The following TMTC2 variants were observed in gnomAD, a reference collection of about 807,000 sequenced individuals.
The protein encoded by TMTC2 is protein O-mannosyl-transferase TMTC2.
TMTC2 carries 43 observed loss-of-function variants against 82.4 expected under a neutral mutation model. The observed-to-expected ratio is 0.52, with a 90% CI of 0.41 to 0.67. The LOEUF (loss-of-function observed/expected upper bound fraction) is 0.67. TMTC2 is among the 30% of genes least tolerant of loss of function. The pLI is 0.00. For missense variants in TMTC2, 919 were observed against 1,012.4 expected, an observed-to-expected ratio of 0.91 and a Z score of 1.25; for synonymous variants, 408 against 381.9, an observed-to-expected ratio of 1.07 and a Z score of -0.80.
chr12:82,889,930 C>G (rs1289259749), intron 2 of TMTC2, among the ~76,000 whole-genome samples: 1 of 151,000 alleles, frequency 6.6e-6, no homozygotes, highest in Non-Finnish European at 1.5e-5. Flanking sequence ...GCTAAGTATC[C>G]TTGTATTTAG....
At chr12:82,754,988 A>C (rs1190169742) in intron 1 of TMTC2, among the ~76,000 whole-genome samples, 1 of 152,258 alleles carries the variant, frequency 6.6e-6, no homozygotes, top group Admixed American at 6.5e-5. Context: ...TCCAAGTGCT[A>C]TCTGAGCAGC....
chr12:82,741,205 A>G (rs2136953361), intron 1 of TMTC2, among the ~76,000 whole-genome samples: 1 of 152,184 alleles, frequency 6.6e-6, no homozygotes, highest in South Asian at 2.1e-4. Flanking sequence ...GTTTATTTGT[A>G]TTTCATCCCA....
chr12:83,028,256 ATAGT>A (rs1308243093), intron 8 of TMTC2, among the ~76,000 whole-genome samples: 15 of 152,200 alleles, frequency 9.9e-5, no homozygotes, highest in African/African-American at 3.6e-4. Flanking sequence ...AGGTAGTATA[ATAGT>A]TAATTTACAT....
rs539008204 is a variant in TMTC2 at position 82,893,332 on chromosome 12, C to T, written c.655-2486C>T. Among the ~76,000 whole-genome samples the T allele has an allele frequency of 2.0e-5, 3 of 147,636 alleles. No individual in the cohort carries two copies. In the Admixed American group the frequency reaches 2.1e-4, roughly 10 times the overall value. On this transcript the variant is annotated intron_variant, in intron 2 of 11. Transcript: ENST00000321196. ...GTTACAGTGAGCTGAGATCATGCCA[C>T]TGCACTTCAGCCTGGCGACAGAGCA...
At chr12:82,847,393 C>A (rs745381799) in intron 1 of TMTC2, among the ~76,000 whole-genome samples, 1 of 152,084 alleles carries the variant, frequency 6.6e-6, no homozygotes, top group Non-Finnish European at 1.5e-5. Flanking sequence ...TTATCAGTAC[C>A]AATCATCTCT....
intron 4 of TMTC2, among the ~76,000 whole-genome samples, chr12:82,947,694 T>C (rs1157575620): frequency 2.0e-5 from 3 of 152,214 alleles, no homozygotes; most frequent in African/African-American, 7.2e-5. Flanking sequence ...AGTTGGCCAT[T>C]TCTTACGCCC....
At chr12:82,768,980 C>G (rs1408120745) in intron 1 of TMTC2, among the ~76,000 whole-genome samples, 1 of 151,898 alleles carries the variant, frequency 6.6e-6, no homozygotes, top group East Asian at 1.9e-4. Flanking sequence ...GAGAGCCTGT[C>G]TAGCTGCTAT....
rs575555652 is a variant in TMTC2, at chr12:82,802,101, G to A, written c.84-54909G>A. 5.9e-5 allele frequency among the ~76,000 whole-genome samples: 9 copies of A among 152,094 alleles called. 1 individual carries two copies. The highest frequency in any genetic ancestry group is 5.2e-4 in the Admixed American group (8 of 15,274). On this transcript the variant is annotated intron_variant, in intron 1 of 11. Coordinates refer to ENST00000321196, the MANE Select transcript of TMTC2 (RefSeq NM_152588.3). ...CCATGGAGCAGGGGGTGGCGTTCGT[G>A]GGGGAGGCTCTGGCAGGGGGAAGGC...
At chr12:83,049,042 A>T (rs1882248268) in intron 9 of TMTC2, among the ~76,000 whole-genome samples, 1 of 152,224 alleles carries the variant, frequency 6.6e-6, no homozygotes, top group Admixed American at 6.5e-5. Flanking sequence ...TTGCGTTGGA[A>T]GACAATTTGT....
intron 1 of TMTC2, among the ~76,000 whole-genome samples, chr12:82,790,158 G>T (rs1394804261): frequency 6.7e-6 from 1 of 150,054 alleles, no homozygotes; most frequent in East Asian, 2.0e-4. Context: ...CTCTAGCTTG[G>T]GTGAGACCTT....
chr12:82,728,924 G>C (rs1053812399), intron 1 of TMTC2, among the ~76,000 whole-genome samples: 3 of 152,230 alleles, frequency 2.0e-5, no homozygotes, highest in Admixed American at 6.5e-5. Context: ...CAGCAGCTGC[G>C]CTGGACTTCT....
chr12:82,805,891 C>T (rs1879220858), intron 1 of TMTC2, among the ~76,000 whole-genome samples: 1 of 152,092 alleles, frequency 6.6e-6, no homozygotes, highest in South Asian at 2.1e-4. Context: ...TTAATTAACT[C>T]ACCAAGTCTT....
chr12:83,077,383 A>T (rs952945621), intron 11 of TMTC2, among the ~76,000 whole-genome samples: 2 of 152,194 alleles, frequency 1.3e-5, no homozygotes, highest in South Asian at 4.1e-4. Flanking sequence ...CACTTAGCTC[A>T]TATCCCTTTG....
At chr12:82,940,547 G>T (rs1376061809) in intron 4 of TMTC2, among the ~76,000 whole-genome samples, 10 of 149,344 alleles carry the variant, frequency 6.7e-5, no homozygotes, top group African/African-American at 2.2e-4. Context: ...TGTTGTTTCT[G>T]TATCATAAAT....
intron 3 of TMTC2, among the ~76,000 whole-genome samples, chr12:82,921,788 A>G (rs1875408164): frequency 6.6e-6 from 1 of 151,906 alleles, no homozygotes; most frequent in Non-Finnish European, 1.5e-5. Context: ...TCATCTATAG[A>G]CATACTCTGT....
chr12:82,919,567 A>G (rs1280084471), intron 3 of TMTC2, among the ~76,000 whole-genome samples: 3 of 152,206 alleles, frequency 2.0e-5, no homozygotes, highest in Non-Finnish European at 4.4e-5. Context: ...CATGATCTGT[A>G]TAGAGGCAAA....
At chr12:82,694,390 T>C (rs746707796) in intron 1 of TMTC2, among the ~76,000 whole-genome samples, 2 of 152,224 alleles carry the variant, frequency 1.3e-5, no homozygotes, top group African/African-American at 2.4e-5. Flanking sequence ...ATTAAAGATA[T>C]ATTTACTTTT....
At chr12:82,860,024 A>C (rs1489196989) in intron 2 of TMTC2, among the ~76,000 whole-genome samples, 1 of 152,026 alleles carries the variant, frequency 6.6e-6, no homozygotes, top group Non-Finnish European at 1.5e-5. Context: ...CCTAGGCTGG[A>C]GTGCAGTGGC....
intron 11 of TMTC2, among the ~76,000 whole-genome samples, chr12:83,116,725 G>A (rs1159096288): frequency 6.6e-6 from 1 of 152,084 alleles, no homozygotes; most frequent in Non-Finnish European, 1.5e-5. Context: ...TTGGCCATTT[G>A]TGTATCTTCT....
Sources: allele counts gnomAD v4.1 joint callset (sites outside exome capture counted in the v4.1 genomes callset), GRCh38; gene constraint gnomAD v4.1.1; transcripts MANE v1.5; gene names NCBI Gene and HGNC (gene_info 2026-07-23, HGNC 2026-07-21).